The following GLTP variants were observed in gnomAD, a reference collection of about 807,000 sequenced individuals.
The protein encoded by GLTP is glycolipid transfer protein.
Under a neutral mutation model 24.0 loss-of-function variants are expected in GLTP, and 22 were observed. That is an observed-to-expected ratio of 0.92 (90% CI 0.65 to 1.31). The LOEUF (loss-of-function observed/expected upper bound fraction) is 1.31. Among genes scored for constraint, GLTP ranks in the 50% most tolerant of loss-of-function variants. The probability of loss-of-function intolerance (pLI) is 0.00; values close to 1 mark genes in which losing one functional copy is unlikely to be tolerated. For synonymous variants in GLTP, 92 were observed against 115.9 expected (o/e 0.79, Z 1.33); for missense variants, 224 against 276.6 (o/e 0.81, Z 1.35).
chr12:109,851,572 G>A lies in GLTP; in HGVS notation c.*983C>T, dbSNP rs1386791688. ...ATAGTCCTTAAAATAACAATACAGC[G>A]AGAGCCTCATAAGGTCACGTGCTTT... On this transcript the variant is annotated 3_prime_UTR_variant, in exon 5 of 5. Transcript: ENST00000318348. The A allele has an allele frequency of 6.6e-6, 1 of 152,046 alleles. No individual in the cohort carries two copies. The highest frequency in any genetic ancestry group is 6.6e-5 in the Admixed American group (1 of 15,246). 9.4% of individuals were successfully genotyped at this position (152,046 alleles called of 1,614,324 possible).
rs2136761541 is a variant in GLTP at position 109,852,455 on chromosome 12, A to G, written c.*100T>C. 1 of 702,346 alleles carries G rather than the reference A, an allele frequency of 1.4e-6. No homozygotes were observed. Among genetic ancestry groups the G allele is most frequent in the East Asian group, 2.7e-5 (1 of 36,912 alleles). The allele number at this position is 702,346 out of a possible 1,614,324, so 43.5% of individuals were successfully genotyped here. On this transcript the variant is annotated 3_prime_UTR_variant, in exon 5 of 5. Coordinates refer to ENST00000318348, the MANE Select transcript of GLTP (RefSeq NM_016433.4). ...AGGACCCTGGGCTGCTCTGGGGGACACAGGCCAGGGGCAGTTCACCGACTT... is the reference window on the plus strand; with the variant it reads ...AGGACCCTGGGCTGCTCTGGGGGACGCAGGCCAGGGGCAGTTCACCGACTT...
chr12:109,857,512 C>T lies in GLTP; in HGVS notation c.296+14G>A, dbSNP rs1477657312. ...GCAGCACAGAGCCCAGGCCCTGCCACCTGAGCCCATCACCTTTTCAGCCAC... is the reference window on the plus strand; with the variant it reads ...GCAGCACAGAGCCCAGGCCCTGCCATCTGAGCCCATCACCTTTTCAGCCAC... On this transcript the variant is annotated intron_variant, in intron 3 of 4. Transcript: ENST00000318348. The surrounding 1 kb of genome is among the most constrained non-coding windows in gnomAD (Gnocchi z 4.3). The T allele has an allele frequency of 2.5e-6, 4 of 1,612,494 alleles. No individual in the cohort carries two copies. The highest frequency in any genetic ancestry group is 3.4e-6 in the Non-Finnish European group (4 of 1,179,948).
intron 1 of GLTP, among the ~76,000 whole-genome samples, chr12:109,864,154 T>C (rs1868448786): frequency 6.6e-6 from 1 of 152,092 alleles, no homozygotes; most frequent in Non-Finnish European, 1.5e-5. Flanking sequence ...TCAAATGCAC[T>C]TCTGGGGCTG....
chr12:109,858,781 A>G (rs1892835968), intron 1 of GLTP, 40 bp from the exon 2 acceptor site: 1 of 1,448,626 alleles, frequency 6.9e-7, no homozygotes, highest in East Asian at 2.3e-5. Context: ...ATTCGCAGCA[A>G]GAGTGATTTT....
chr12:109,870,327 G>A (rs540150525), intron 1 of GLTP, among the ~76,000 whole-genome samples: 1 of 152,118 alleles, frequency 6.6e-6, no homozygotes, highest in South Asian at 2.1e-4. Context: ...TTAACTGGGT[G>A]TGGTGGTGTG....
In GLTP at chr12:109,852,373, C is replaced by CA. The variant is rs56313678; in HGVS notation, c.*181dup. 0.018 allele frequency: 5,098 copies of CA among 282,966 alleles called. 6 individuals are homozygous for CA. The highest frequency in any genetic ancestry group is 0.025 in the South Asian group (486 of 19,320). 17.5% of individuals were successfully genotyped at this position (282,966 alleles called of 1,614,324 possible). On this transcript the variant is annotated 3_prime_UTR_variant, in exon 5 of 5. Coordinates refer to ENST00000318348, the MANE Select transcript of GLTP (RefSeq NM_016433.4). ...TATTTACTGGTCCTTTAGAATAGAC[C>CA]AAAAAAAAAAAAAAAAAAGACTTAA...
intron 2 of GLTP, chr12:109,858,262 T>C: frequency 2.2e-6 from 1 of 458,314 alleles, no homozygotes; most frequent in East Asian, 6.9e-5. Flanking sequence ...GATCATGCAG[T>C]GTGTCCCAAG....
At chr12:109,859,290 C>T (rs1405188352) in intron 1 of GLTP, among the ~76,000 whole-genome samples, 2 of 152,192 alleles carry the variant, frequency 1.3e-5, no homozygotes, top group Non-Finnish European at 2.9e-5. Context: ...GAGGCCGAGG[C>T]GGGTGGATCA....
chr12:109,866,034 T>G (rs1868518368), intron 1 of GLTP, among the ~76,000 whole-genome samples: 1 of 152,192 alleles, frequency 6.6e-6, no homozygotes, highest in Non-Finnish European at 1.5e-5. Context: ...GTAGAGAGTC[T>G]GTGTAACAAG....
chr12:109,869,406 G>A (rs1026144429), intron 1 of GLTP, among the ~76,000 whole-genome samples: 10 of 150,438 alleles, frequency 6.6e-5, no homozygotes, highest in African/African-American at 2.0e-4. Flanking sequence ...AATTGCTCCC[G>A]GTTCAGGAAA....
intron 4 of GLTP, among the ~76,000 whole-genome samples, chr12:109,854,303 T>C (rs959560951): frequency 7.2e-6 from 1 of 138,120 alleles, no homozygotes. Flanking sequence ...GAGGTTGCGG[T>C]AAGCTAAGAC....
intron 1 of GLTP, among the ~76,000 whole-genome samples, chr12:109,868,028 T>C (rs1289966697): frequency 1.3e-5 from 2 of 152,180 alleles, no homozygotes; most frequent in Admixed American, 1.3e-4. Flanking sequence ...CCACCCGCTT[T>C]GGCCTCCCAA....
intron 1 of GLTP, among the ~76,000 whole-genome samples, chr12:109,879,272 A>C (rs891354831): frequency 7.2e-5 from 11 of 152,232 alleles, no homozygotes; most frequent in Admixed American, 6.5e-4. Context: ...CAAGTGAACC[A>C]GCAGGACAGG....
intron 4 of GLTP, among the ~76,000 whole-genome samples, chr12:109,853,930 G>A (rs1213707960): frequency 6.6e-6 from 1 of 151,052 alleles, no homozygotes; most frequent in Non-Finnish European, 1.5e-5. Flanking sequence ...TTTTAGTAGA[G>A]ATGGTGTTTT....
At position 109,855,848 on chromosome 12, in the gene GLTP, C is replaced by G; in HGVS notation, c.297-79G>C. 1 of 1,249,848 alleles carries G rather than the reference C, an allele frequency of 8.0e-7. No individual in the cohort carries two copies. Among genetic ancestry groups the G allele is most frequent in the Non-Finnish European group, 1.1e-6 (1 of 925,920 alleles). The allele number at this position is 1,249,848 out of a possible 1,614,324, so 77.4% of individuals were successfully genotyped here. On this transcript the variant is annotated intron_variant, in intron 3 of 4. Coordinates refer to ENST00000318348, the MANE Select transcript of GLTP (RefSeq NM_016433.4). The surrounding 1 kb of genome is among the most constrained non-coding windows in gnomAD (Gnocchi z 4.1). ...AAGACCCTGATGGACTCTGAATTTG[C>G]CACCTACTGTGAGCCAGGAACATGG...
chr12:109,866,497 C>T (rs1386075355), intron 1 of GLTP: 6 of 152,268 alleles, frequency 3.9e-5, no homozygotes, highest in African/African-American at 1.4e-4. Context: ...AGGTGTGCAC[C>T]ACTGTGCCTG....
chr12:109,856,078 C>T (rs1002249786), intron 3 of GLTP, among the ~76,000 whole-genome samples: 2 of 152,086 alleles, frequency 1.3e-5, no homozygotes, highest in East Asian at 1.9e-4. Flanking sequence ...ATGACCCCCA[C>T]AGGCTGGAAC....
Position 109,880,492 on chromosome 12 carries a change from C to T in GLTP, c.-118G>A, listed in dbSNP as rs1459384162. ...AGCCGCCCGCCGCAGGCTCCGGGGA[C>T]GCCAGCGTCGCCACTTCCGCCCGCA... is the stretch of plus-strand genomic sequence containing the variant. On this transcript the variant is annotated 5_prime_UTR_variant, in exon 1 of 5. Transcript: ENST00000318348. This position sits in a 1 kb window ranked among gnomAD's most constrained non-coding sequence, Gnocchi z 5.1. The T allele has an allele frequency of 2.6e-5, 6 of 232,598 alleles. No individual in the cohort carries two copies. The highest frequency in any genetic ancestry group is 3.9e-5 in the Non-Finnish European group (5 of 127,926). 14.4% of individuals were successfully genotyped at this position (232,598 alleles called of 1,614,324 possible).
intron 1 of GLTP, among the ~76,000 whole-genome samples, chr12:109,876,288 A>G (rs1868875947): frequency 6.6e-6 from 1 of 152,158 alleles, no homozygotes; most frequent in African/African-American, 2.4e-5. Flanking sequence ...GGTTGCTATG[A>G]GCCGAGATCA....
Sources: allele counts gnomAD v4.1 joint callset (sites outside exome capture counted in the v4.1 genomes callset), GRCh38; gene constraint gnomAD v4.1.1; non-coding constraint Gnocchi (gnomAD v3.1); transcripts MANE v1.5; gene names NCBI Gene and HGNC (gene_info 2026-07-23, HGNC 2026-07-21).